The following SHPK variants were observed in gnomAD, a reference collection of about 807,000 sequenced individuals.
SHPK encodes sedoheptulokinase.
A neutral mutation model predicts 46.3 loss-of-function variants in SHPK; 51 were observed. The observed-to-expected ratio is 1.10, with a 90% CI of 0.88 to 1.39. The LOEUF (loss-of-function observed/expected upper bound fraction) is 1.39. Ranked by LOEUF, SHPK falls within the 40% of genes most tolerant of loss-of-function variation. The pLI is 0.00. For synonymous variants in SHPK, 290 were observed against 273.9 expected, an observed-to-expected ratio of 1.06 and a Z score of -0.58; for missense variants, 668 against 641.3, an observed-to-expected ratio of 1.04 and a Z score of -0.45.
chr17:3,621,088 C>CA (rs2075397336), intron 5 of SHPK, 149 bp downstream of exon 5: 10 of 696,284 alleles, frequency 1.4e-5, no homozygotes, highest in Non-Finnish European at 2.2e-5. Flanking sequence ...CCTGCAAGGA[C>CA]AAGGGTGCTT....
Position 3,615,318 on chromosome 17 carries a change from T to G in SHPK, c.1024+19A>C. 2.5e-6 allele frequency: 4 copies of G among 1,612,824 alleles called. No individual in the cohort carries two copies. The highest frequency in any genetic ancestry group is 3.4e-6 in the Non-Finnish European group (4 of 1,178,820). ...AAAGGACAGGCAGAGAACACAGCGCTGTGTGGGCCACACCTTACCTAGATC... is the reference window on the plus strand; with the variant it reads ...AAAGGACAGGCAGAGAACACAGCGCGGTGTGGGCCACACCTTACCTAGATC... On this transcript the variant is annotated intron_variant, in intron 6 of 6. Transcript: ENST00000225519.
chr17:3,626,175 T>G (rs930953041), intron 2 of SHPK, among the ~76,000 whole-genome samples: 1 of 152,240 alleles, frequency 6.6e-6, no homozygotes, highest in African/African-American at 2.4e-5. Flanking sequence ...TCTTTTGCTC[T>G]GTAAGCTTTT....
rs2075328331 is a variant in SHPK, at chr17:3,610,290, C to T, written c.*270G>A. The T allele has an allele frequency of 4.6e-6, 2 of 433,714 alleles. No individual in the cohort carries two copies. The highest frequency in any genetic ancestry group is 3.9e-5 in the African/African-American group (2 of 51,142). 26.9% of individuals were successfully genotyped at this position (433,714 alleles called of 1,614,324 possible). A position where few individuals can be genotyped will look rare whatever the true frequency, so the allele number is the denominator to read the frequency against. On this transcript the variant is annotated 3_prime_UTR_variant, in exon 7 of 7. Coordinates refer to ENST00000225519, the MANE Select transcript of SHPK (RefSeq NM_013276.4). ...CCAGCAGGCTGGGCTACTGTGCTCT[C>T]ATGCTCTCTCTCTCCCACATGGACA...
chr17:3,636,199 G>T lies in SHPK; in HGVS notation c.21C>A (p.Thr7=). Residue 7 remains threonine, a synonymous_variant, in exon 1 of 7, where the codon ACC becomes ACA. Coordinates refer to ENST00000225519, the MANE Select transcript of SHPK (RefSeq NM_013276.4). MAARPI[T]LGIDLGTTSV... ...ATGTGGTGCCCAGGTCAATGCCGAG[G>T]GTGATCGGCCGCGCAGCCATTATCT... 1 of 1,605,970 alleles carries T rather than the reference G, an allele frequency of 6.2e-7. No homozygotes were observed. The highest frequency in any genetic ancestry group is 8.5e-7 in the Non-Finnish European group (1 of 1,174,780).
Position 3,615,447 on chromosome 17 carries a change from G to C in SHPK, c.914C>G (p.Ala305Gly), listed in dbSNP as rs751001026. The C allele has an allele frequency of 2.4e-5, 38 of 1,614,072 alleles. 1 individual carries two copies. In the South Asian group the frequency reaches 4.0e-4, roughly 17 times the overall value. ...GGTCCTGTTGAAGTATGGGAAGTAGGCGACTGGGGCCGTAGGGTCTGGAGT... is the reference window on the plus strand; with the variant it reads ...GGTCCTGTTGAAGTATGGGAAGTAGCCGACTGGGGCCGTAGGGTCTGGAGT... Reference protein sequence around the residue: ...AQTPDPTAPVAYFPYFNRTYL... With the variant: ...AQTPDPTAPVGYFPYFNRTYL... Residue 305 changes from alanine (A) to glycine (G), a missense_variant, in exon 6 of 7, where the codon GCC becomes GGC. Ala to Gly is a moderately conservative substitution (Grantham distance 60). Coordinates refer to ENST00000225519, the MANE Select transcript of SHPK (RefSeq NM_013276.4).
chr17:3,626,403 C>A (rs1236571471), intron 2 of SHPK, among the ~76,000 whole-genome samples: 2 of 151,910 alleles, frequency 1.3e-5, no homozygotes, highest in Non-Finnish European at 1.5e-5. Context: ...GATGCTAGTG[C>A]TTCTGTTTGT....
In SHPK at chr17:3,610,861, G is replaced by A. The variant is rs759769678; in HGVS notation, c.1136C>T (p.Pro379Leu). 42 of 1,613,936 alleles carry A rather than the reference G, an allele frequency of 2.6e-5. No homozygotes were observed. The highest frequency in any genetic ancestry group is 6.7e-5 in the East Asian group (3 of 44,882). ...TCTGGTCACTGAGGCCAGCTGGTCC[G>A]GCAGGTGCCTCTCCCCCAGCACTGT... ...TPTVLGERHL[P>L]DQLASVTRIS... Residue 379 changes from proline (P) to leucine (L), a missense_variant, in exon 7 of 7, where the codon CCG becomes CTG. Transcript: ENST00000225519.
intron 1 of SHPK, 124 bp downstream of exon 1, chr17:3,635,928 G>A: frequency 2.0e-6 from 2 of 979,488 alleles, no homozygotes; most frequent in Non-Finnish European, 2.9e-6. Context: ...GGCCCCTGGA[G>A]AAGCTGGGGA....
At chr17:3,635,895 A>G (rs1028399061) in intron 1 of SHPK, among the ~76,000 whole-genome samples, 157 bp downstream of exon 1, 1 of 152,114 alleles carries the variant, frequency 6.6e-6, no homozygotes, top group Admixed American at 6.5e-5. Flanking sequence ...AGGGATCATG[A>G]GCACAGCTGC....
chr17:3,611,429 C>T (rs1004061244), intron 6 of SHPK, among the ~76,000 whole-genome samples: 8 of 152,142 alleles, frequency 5.3e-5, no homozygotes, highest in African/African-American at 1.7e-4. Flanking sequence ...ATTAACCGGG[C>T]GTGGTGGCAG....
chr17:3,626,217 A>C (rs1433815437), intron 2 of SHPK, among the ~76,000 whole-genome samples: 2 of 152,172 alleles, frequency 1.3e-5, no homozygotes, highest in Non-Finnish European at 2.9e-5. Flanking sequence ...TTAAAAGTTC[A>C]CTAGAATATA....
chr17:3,624,717 G>A (rs975499202), intron 2 of SHPK, among the ~76,000 whole-genome samples: 1 of 152,024 alleles, frequency 6.6e-6, no homozygotes, highest in East Asian at 1.9e-4. Context: ...GCAGTGGCAT[G>A]ATCCCGGCTC....
intron 3 of SHPK, among the ~76,000 whole-genome samples, 164 bp from the exon 4 acceptor site, chr17:3,623,655 C>T (rs2075416007): frequency 6.6e-6 from 1 of 152,186 alleles, no homozygotes; most frequent in South Asian, 2.1e-4. Context: ...ATTAGGACCT[C>T]CCAGCTGCCC....
intron 1 of SHPK, among the ~76,000 whole-genome samples, chr17:3,633,418 A>G (rs1658992512): frequency 6.6e-6 from 1 of 151,138 alleles, no homozygotes; most frequent in Admixed American, 6.7e-5. Flanking sequence ...TGGGCCAGAG[A>G]TGTTGCTAAA....
At chr17:3,622,412 C>T in intron 4 of SHPK, 1 of 185,212 alleles carries the variant, frequency 5.4e-6, no homozygotes, top group Non-Finnish European at 1.0e-5. Context: ...GGTTCGGCGC[C>T]ATTATGGTTG....
At chr17:3,619,682 G>A (rs12936056) in intron 5 of SHPK, 139,941 of 326,846 alleles carry the variant, frequency 0.43, 31,533 homozygotes, top group East Asian at 0.68. Flanking sequence ...GCAGTGAGCC[G>A]AGATCACACC....
chr17:3,610,939 C>A lies in SHPK; in HGVS notation c.1058G>T (p.Arg353Leu), dbSNP rs368249636. The A allele has an allele frequency of 1.2e-6, 2 of 1,611,864 alleles. No individual in the cohort carries two copies. Among genetic ancestry groups the A allele is most frequent in the East Asian group, 4.5e-5 (2 of 44,786 alleles). ...LEVEESTVYS[R>L]MIQAAVQQRD... Reference sequence around the variant, plus strand: ...CTGCTGCACAGCTGCCTGAATCATGCGTGAATACACAGTGGATTCTTCAAC... The same window carrying A: ...CTGCTGCACAGCTGCCTGAATCATGAGTGAATACACAGTGGATTCTTCAAC... Residue 353 changes from arginine to leucine, a missense_variant, in exon 7 of 7, where the codon CGC becomes CTC. By Grantham distance (102) the Arg-to-Leu change is moderately radical (BLOSUM62 -2). Transcript: ENST00000225519.
Position 3,615,635 on chromosome 17 carries a change from T to C in SHPK, c.824-98A>G, listed in dbSNP as rs2150867801. On this transcript the variant is annotated intron_variant, in intron 5 of 6. Coordinates refer to ENST00000225519, the MANE Select transcript of SHPK (RefSeq NM_013276.4). Reference sequence around the variant, plus strand: ...AGAGGGGGTGGCCTGTCGGGTTAACTCAGAGGTCACAAGTCACAGTTTGGC... The same window carrying C: ...AGAGGGGGTGGCCTGTCGGGTTAACCCAGAGGTCACAAGTCACAGTTTGGC... 3.1e-6 allele frequency: 3 copies of C among 961,732 alleles called. No homozygotes were observed. The South Asian group carries it at 4.6e-5, about 15-fold the overall frequency. The allele number at this position is 961,732 out of a possible 1,614,324, so 59.6% of individuals were successfully genotyped here.
In SHPK at chr17:3,622,653, T is replaced by A. The variant is rs1229745223; in HGVS notation, c.647+686A>T. 4 of 936,288 alleles carry A rather than the reference T, an allele frequency of 4.3e-6. No individual in the cohort carries two copies. In the East Asian group the frequency reaches 4.7e-4, roughly 109 times the overall value. 58.0% of individuals were successfully genotyped at this position (936,288 alleles called of 1,614,324 possible). A position where few individuals can be genotyped will look rare whatever the true frequency, so the allele number is the denominator to read the frequency against. On this transcript the variant is annotated intron_variant, in intron 4 of 6. Coordinates refer to ENST00000225519, the MANE Select transcript of SHPK (RefSeq NM_013276.4). Reference sequence around the variant, plus strand: ...TGTACCTGAAAAGGCAAATGATTGTTCAAAAAGAACTTAAAAGGCATCCTT... The same window carrying A: ...TGTACCTGAAAAGGCAAATGATTGTACAAAAAGAACTTAAAAGGCATCCTT...
Sources: gnomAD v4.1 joint callset for allele counts (sites outside exome capture counted in the v4.1 genomes callset) on GRCh38, gnomAD v4.1.1 for gene constraint, MANE v1.5 for transcripts, NCBI Gene and HGNC (gene_info 2026-07-23, HGNC 2026-07-21) for gene names.